The following DPH6 variants were observed in gnomAD, a reference collection of about 807,000 sequenced individuals.
DPH6 encodes diphthine--ammonia ligase.
In DPH6, 33 loss-of-function variants were observed where a neutral mutation model predicts 38.2. That is an observed-to-expected ratio of 0.86 (90% CI 0.65 to 1.15). The LOEUF is 1.15. Among genes scored for constraint, DPH6 ranks in the 50% most tolerant of loss-of-function variants. DPH6 has a pLI of 0.00. For synonymous variants in DPH6, 108 were observed against 103.0 expected, an observed-to-expected ratio of 1.05 and a Z score of -0.30; for missense variants, 325 against 320.0, an observed-to-expected ratio of 1.02 and a Z score of -0.12.
the DPH6 span, among the ~76,000 whole-genome samples, chr15:35,167,942 T>G: frequency 1.3e-5 from 2 of 152,202 alleles, no homozygotes; most frequent in South Asian, 4.1e-4. Flanking sequence ...CACAAGTTCA[T>G]GCCTGAATGA....
chr15:35,173,137 C>G, the DPH6 span, among the ~76,000 whole-genome samples: 3 of 152,138 alleles, frequency 2.0e-5, no homozygotes, highest in Admixed American at 6.6e-5. Context: ...GGGATCAGTA[C>G]AGAAACTAGG....
rs578087952 is a variant in DPH6, at chr15:35,340,136, C to T, written n.208-9059G>A. ...AAACCCTTTACCATTATGTAATGCC[C>T]TTCTTTGTGTTTTTTGATCTTTGTT... On this transcript the variant is annotated intron_variant and non_coding_transcript_variant, in intron 3 of 3. Transcript: ENST00000558973. Among the ~76,000 whole-genome samples, 3 of 152,164 alleles carry T rather than the reference C, an allele frequency of 2.0e-5. No individual in the cohort carries two copies. The South Asian group carries it at 6.2e-4, about 32-fold the overall frequency.
intron 6 of DPH6, among the ~76,000 whole-genome samples, chr15:35,402,831 C>T (rs555831254): frequency 2.0e-5 from 3 of 151,960 alleles, no homozygotes; most frequent in African/African-American, 7.2e-5. Context: ...GAAAAGATGA[C>T]AATCATAATG....
intron 3 of DPH6, among the ~76,000 whole-genome samples, chr15:35,517,698 C>T (rs941478672): frequency 9.9e-5 from 15 of 152,056 alleles, no homozygotes; most frequent in Admixed American, 3.3e-4. Context: ...TTCAAGATTA[C>T]TCAAAAGCAA....
rs539042058 is a variant in DPH6 at position 35,465,464 on chromosome 15, A to G, written c.313-10644T>C. On this transcript the variant is annotated intron_variant, in intron 3 of 8. Transcript: ENST00000256538. The stretch of plus-strand genomic sequence containing the variant: ...AGCGAGAAATTTATATGGCAAGTAT[A>G]GCATTAGATGCTTTTTCCTTAAACT... Among the ~76,000 whole-genome samples, 3 of 152,344 alleles carry G rather than the reference A, an allele frequency of 2.0e-5. No homozygotes were observed. In the East Asian group the frequency reaches 5.8e-4, roughly 29 times the overall value.
intron 3 of DPH6, among the ~76,000 whole-genome samples, chr15:35,477,954 C>T (rs2054281805): frequency 1.3e-5 from 2 of 151,918 alleles, no homozygotes; most frequent in Non-Finnish European, 2.9e-5. Context: ...ATAACCCTCT[C>T]CCTATGGTCC....
intron 3 of DPH6, among the ~76,000 whole-genome samples, chr15:35,497,278 G>T (rs1056745607): frequency 6.6e-6 from 1 of 152,110 alleles, no homozygotes; most frequent in Non-Finnish European, 1.5e-5. Flanking sequence ...ACAAATATTT[G>T]TTAAATAAAT....
the DPH6 span, among the ~76,000 whole-genome samples, chr15:35,183,969 T>C: frequency 2.0e-5 from 3 of 152,218 alleles, no homozygotes; most frequent in African/African-American, 7.2e-5. Context: ...TAGAAAACAC[T>C]GTTAGAGAGA....
rs1555410132 is a variant in DPH6 at position 35,542,965 on chromosome 15, T to TAA, written c.24-460_24-459dup. Among the ~76,000 whole-genome samples the TAA allele has an allele frequency of 2.9e-4, 22 of 76,170 alleles. 2 individuals are homozygous for TAA. Among genetic ancestry groups the TAA allele is most frequent in the Non-Finnish European group, 3.7e-4 (14 of 38,354 alleles). The allele number at this position is 76,170 out of a possible 152,430, so 50.0% of individuals were successfully genotyped here. On this transcript the variant is annotated intron_variant, in intron 1 of 8. Transcript: ENST00000256538. ...TAAGGAATATATATATATATATATA[T>TAA]AAAATAATTTCATAGAAATTATTGG...
rs867953467 is a variant in DPH6, at chr15:35,300,125, A to T, written n.200+73396T>A. On this transcript the variant is annotated intron_variant and non_coding_transcript_variant, in intron 3 of 3. Transcript: ENST00000560386. ...TTTAGGCCACCCATGCAGGGGCAAC[A>T]GCAAATGAGAACAAGCTTGGCATGC... 4.6e-5 allele frequency among the ~76,000 whole-genome samples: 7 copies of T among 152,356 alleles called. No homozygotes were observed. In the Middle Eastern group the frequency reaches 0.017, roughly 370 times the overall value.
At chr15:35,504,282 A>G (rs1335943539) in intron 3 of DPH6, among the ~76,000 whole-genome samples, 1 of 151,852 alleles carries the variant, frequency 6.6e-6, no homozygotes, top group Admixed American at 6.6e-5. Context: ...CTACTTATAT[A>G]TATCATCTAG....
At chr15:35,367,547 C>G (rs548944732), downstream of DPH6, among the ~76,000 whole-genome samples, 1 of 151,802 alleles carries the variant, frequency 6.6e-6, no homozygotes, top group African/African-American at 2.4e-5. Context: ...ATCAAATTTG[C>G]CATAAGCAAT....
chr15:35,348,781 C>G (rs1028897356), intron 3 of DPH6, among the ~76,000 whole-genome samples: 1 of 152,056 alleles, frequency 6.6e-6, no homozygotes, highest in East Asian at 1.9e-4. Flanking sequence ...CCCATGATCA[C>G]GGGATGTCTT....
chr15:35,464,835 G>T (rs2054108848), intron 3 of DPH6, among the ~76,000 whole-genome samples: 1 of 152,180 alleles, frequency 6.6e-6, no homozygotes, highest in Non-Finnish European at 1.5e-5. Context: ...CACACATGAG[G>T]ATGGAAATGG....
chr15:35,315,173 T>G (rs1310729137), intron 3 of DPH6, among the ~76,000 whole-genome samples: 2 of 152,182 alleles, frequency 1.3e-5, no homozygotes, highest in Non-Finnish European at 2.9e-5. Flanking sequence ...TTGAATGAAT[T>G]GGGCTACAAA....
chr15:35,190,063 C>T, the DPH6 span, among the ~76,000 whole-genome samples: 1 of 151,906 alleles, frequency 6.6e-6, no homozygotes, highest in South Asian at 2.1e-4. Flanking sequence ...TTTGGCAGTG[C>T]TGGAATAAAA....
At chr15:35,497,128 A>T (rs898016455) in intron 3 of DPH6, among the ~76,000 whole-genome samples, 4 of 152,170 alleles carry the variant, frequency 2.6e-5, no homozygotes, top group Non-Finnish European at 5.9e-5. Flanking sequence ...GTAGATACTA[A>T]TAGCTAATTA....
In DPH6 at chr15:35,275,279, T is replaced by A. The variant is rs530189094; in HGVS notation, n.201-54697A>T. Among the ~76,000 whole-genome samples, 65 of 152,224 alleles carry A rather than the reference T, an allele frequency of 4.3e-4. 1 individual carries two copies. The highest frequency in any genetic ancestry group is 1.5e-3 in the African/African-American group (61 of 41,532). ...ATGTTTATTGCAGCACTATTTACAATAGCAAAGACTTGGAACCAACCCAAA... is the reference window on the plus strand; with the variant it reads ...ATGTTTATTGCAGCACTATTTACAAAAGCAAAGACTTGGAACCAACCCAAA... On this transcript the variant is annotated intron_variant and non_coding_transcript_variant, in intron 3 of 3. Transcript: ENST00000560386.
At chr15:35,500,296 G>A (rs1309743085) in intron 3 of DPH6, among the ~76,000 whole-genome samples, 2 of 152,076 alleles carry the variant, frequency 1.3e-5, no homozygotes, top group South Asian at 2.1e-4. Flanking sequence ...GCGGAATCAC[G>A]CTGATACAGT....
Sources: gnomAD v4.1 joint callset for allele counts (sites outside exome capture counted in the v4.1 genomes callset) on GRCh38, gnomAD v4.1.1 for gene constraint, MANE v1.5 for transcripts, NCBI Gene and HGNC (gene_info 2026-07-23, HGNC 2026-07-21) for gene names.